PTPRM: variants seen among roughly 807,000 people sequenced by gnomAD.
The protein encoded by PTPRM is protein tyrosine phosphatase receptor type M, also known as receptor-type tyrosine-protein phosphatase mu.
PTPRM carries 47 observed loss-of-function variants against 186.7 expected under a neutral mutation model. That is an observed-to-expected ratio of 0.25 (90% confidence interval 0.20 to 0.32). PTPRM has a LOEUF of 0.32. PTPRM is among the 10% of genes least tolerant of loss of function. The probability of loss-of-function intolerance (pLI) is 1.00; values close to 1 mark genes in which losing one functional copy is unlikely to be tolerated. For synonymous variants in PTPRM, 668 were observed against 674.9 expected, an observed-to-expected ratio of 0.99 and a Z score of 0.16; for missense variants, 1,494 against 1,865.0, an observed-to-expected ratio of 0.80 and a Z score of 3.66.
In PTPRM at chr18:7,949,340, G is replaced by A; in HGVS notation, c.823G>A (p.Glu275Lys). ...EGGVGISNYA[E>K]LVVKEPPVPI... ...AGGTGTTGGAATATCAAACTATGCA[G>A]AGTTGGTAGTTAAAGGTATTTAATG... Residue 275 changes from glutamate to lysine, a missense_variant, in exon 6 of 33, where the codon GAG becomes AAG. Coordinates refer to ENST00000580170, the MANE Select transcript of PTPRM (RefSeq NM_001105244.2). The A allele has an allele frequency of 1.2e-6, 2 of 1,612,984 alleles. No homozygotes were observed. The highest frequency in any genetic ancestry group is 8.5e-7 in the Non-Finnish European group (1 of 1,179,252).
At chr18:7,608,668 T>A (rs1014170174) in intron 1 of PTPRM, among the ~76,000 whole-genome samples, 5 of 152,134 alleles carry the variant, frequency 3.3e-5, no homozygotes, top group African/African-American at 1.2e-4. Flanking sequence ...GCACTGATTT[T>A]GTTCATGAAG....
intron 2 of PTPRM, among the ~76,000 whole-genome samples, chr18:7,791,074 T>C (rs1319456001): frequency 6.6e-6 from 1 of 152,214 alleles, no homozygotes; most frequent in African/African-American, 2.4e-5. Context: ...ACAAATGTGT[T>C]CTTTTCCAAG....
intron 14 of PTPRM, among the ~76,000 whole-genome samples, chr18:8,225,728 G>A (rs2094205753): frequency 6.6e-6 from 1 of 152,148 alleles, no homozygotes. Context: ...AAATATAAGA[G>A]AATATCTTTA....
At chr18:8,396,017 A>G (rs2095843684) in intron 32 of PTPRM, among the ~76,000 whole-genome samples, 1 of 152,184 alleles carries the variant, frequency 6.6e-6, no homozygotes, top group Non-Finnish European at 1.5e-5. Context: ...TGATGCCATC[A>G]GTGGCCTGGC....
chr18:8,002,816 G>A (rs116542646), intron 7 of PTPRM, among the ~76,000 whole-genome samples: 245 of 152,290 alleles, frequency 1.6e-3, no homozygotes, highest in African/African-American at 5.5e-3. Flanking sequence ...ACATTTCTCC[G>A]TGATTGCAAT....
chr18:7,740,022 T>C (rs1207820162), intron 1 of PTPRM, among the ~76,000 whole-genome samples: 1 of 152,218 alleles, frequency 6.6e-6, no homozygotes, highest in African/African-American at 2.4e-5. Flanking sequence ...TTTAAACTCA[T>C]AAAAATTAAG....
chr18:7,852,883 T>G (rs1476574644), intron 2 of PTPRM, among the ~76,000 whole-genome samples: 3 of 151,880 alleles, frequency 2.0e-5, no homozygotes, highest in Non-Finnish European at 2.9e-5. Context: ...AAATAAAAAA[T>G]AAATAATACA....
Position 7,755,996 on chromosome 18 carries a change from T to C in PTPRM, c.74-18153T>C, listed in dbSNP as rs563038144. Among the ~76,000 whole-genome samples the C allele has an allele frequency of 2.0e-5, 3 of 152,336 alleles. No individual in the cohort carries two copies. The South Asian group carries it at 6.2e-4, about 32-fold the overall frequency. On this transcript the variant is annotated intron_variant, in intron 1 of 32. Coordinates refer to ENST00000580170, the MANE Select transcript of PTPRM (RefSeq NM_001105244.2). ...CATTTCCTCTGTTGTATCAGATTCC[T>C]ATATTTCCTTGTACTGTTTGGCCAA...
At chr18:8,063,060 G>A (rs1387090720) in intron 7 of PTPRM, among the ~76,000 whole-genome samples, 3 of 151,288 alleles carry the variant, frequency 2.0e-5, no homozygotes, top group East Asian at 3.9e-4. Flanking sequence ...CCCCAGCCTC[G>A]CTGCCGCCTT....
At chr18:7,986,966 G>C (rs1260463406) in intron 7 of PTPRM, among the ~76,000 whole-genome samples, 1 of 152,194 alleles carries the variant, frequency 6.6e-6, no homozygotes, top group Non-Finnish European at 1.5e-5. Context: ...AAGCCAAGGA[G>C]ACAGATCCCA....
intron 2 of PTPRM, among the ~76,000 whole-genome samples, chr18:7,833,085 T>C (rs1240211292): frequency 6.6e-6 from 1 of 152,198 alleles, no homozygotes; most frequent in Non-Finnish European, 1.5e-5. Context: ...TTGCTTAGGA[T>C]AGCTTTGACT....
At chr18:7,817,561 G>C (rs2044906667) in intron 2 of PTPRM, among the ~76,000 whole-genome samples, 2 of 152,026 alleles carry the variant, frequency 1.3e-5, no homozygotes, top group Admixed American at 1.3e-4. Flanking sequence ...ATTACAAAAG[G>C]GTTCCTAGCT....
rs58841319 is a variant in PTPRM, at chr18:8,097,841, G to A, written c.1856+8990G>A. On this transcript the variant is annotated intron_variant, in intron 11 of 32. Transcript: ENST00000580170. ...GTCAACAAAATTAAAAACACACAAG[G>A]TTTGACCATCACTCAGGAGCATTAA... 9.4e-3 allele frequency among the ~76,000 whole-genome samples: 1,431 copies of A among 152,248 alleles called. 26 individuals are homozygous for A. The highest frequency in any genetic ancestry group is 0.033 in the African/African-American group (1,378 of 41,550).
At chr18:8,200,518 G>A (rs888811456) in intron 14 of PTPRM, among the ~76,000 whole-genome samples, 2 of 152,222 alleles carry the variant, frequency 1.3e-5, no homozygotes, top group Non-Finnish European at 1.5e-5. Flanking sequence ...TTTCTTGAAT[G>A]TTAGAGGGAG....
chr18:7,748,113 G>A (rs972574359), intron 1 of PTPRM, among the ~76,000 whole-genome samples: 2 of 152,172 alleles, frequency 1.3e-5, no homozygotes, highest in Non-Finnish European at 2.9e-5. Flanking sequence ...TCTTGCAGTA[G>A]GTGTGGCCAG....
intron 23 of PTPRM, among the ~76,000 whole-genome samples, chr18:8,347,756 G>A (rs2095513008): frequency 1.3e-5 from 2 of 152,100 alleles, no homozygotes; most frequent in Non-Finnish European, 2.9e-5. Context: ...ATAAATCTAA[G>A]TCCGTAGATT....
chr18:7,882,849 ATAAT>A (rs2048577436), intron 2 of PTPRM, among the ~76,000 whole-genome samples: 1 of 152,240 alleles, frequency 6.6e-6, no homozygotes, highest in Non-Finnish European at 1.5e-5. Flanking sequence ...TTAGAAAGGA[ATAAT>A]TCTGTGCAGT....
At chr18:8,359,871 C>A (rs1034533318) in intron 23 of PTPRM, among the ~76,000 whole-genome samples, 1 of 152,246 alleles carries the variant, frequency 6.6e-6, no homozygotes, top group Non-Finnish European at 1.5e-5. Flanking sequence ...TCCCGTTTTG[C>A]GCACAGCAGG....
chr18:8,377,972 CA>C (rs1394143163), intron 26 of PTPRM: 1 of 259,530 alleles, frequency 3.9e-6, no homozygotes, highest in Non-Finnish European at 7.3e-6. Context: ...GCTCATTCCT[CA>C]TGTGAAATAC....
Sources: allele counts gnomAD v4.1 joint callset (sites outside exome capture counted in the v4.1 genomes callset), GRCh38; gene constraint gnomAD v4.1.1; transcripts MANE v1.5; gene names NCBI Gene and HGNC (gene_info 2026-07-23, HGNC 2026-07-21).